HS6ST2: variants seen among roughly 807,000 people sequenced by gnomAD.
The protein encoded by HS6ST2 is heparan-sulfate 6-O-sulfotransferase 2.
Under a neutral mutation model 33.0 loss-of-function variants are expected in HS6ST2, and 17 were observed. The observed-to-expected ratio is 0.52, with a 90% confidence interval of 0.35 to 0.77. The LOEUF (loss-of-function observed/expected upper bound fraction) is 0.77, where lower values mean the gene tolerates loss of function less well. Among genes scored for constraint, HS6ST2 ranks in the 30% least tolerant of loss-of-function variants. The pLI, the probability that HS6ST2 is intolerant of heterozygous loss-of-function variation, is 0.01. For synonymous variants in HS6ST2, 248 were observed against 237.1 expected, an observed-to-expected ratio of 1.05 and a Z score of -0.42; for missense variants, 519 against 551.7, an observed-to-expected ratio of 0.94 and a Z score of 0.59.
Position 132,889,499 on chromosome X carries a change from G to T in HS6ST2, c.947+67309C>A, listed in dbSNP as rs933752942. On this transcript the variant is annotated intron_variant, in intron 2 of 4. Coordinates refer to ENST00000370833, the MANE Select transcript of HS6ST2 (RefSeq NM_001394073.1). ...CGGTATGAAGATCAATGAGTCCTGGGAATACCAAGAGCAGATTCTGAGGTG... is the reference window on the plus strand; with the variant it reads ...CGGTATGAAGATCAATGAGTCCTGGTAATACCAAGAGCAGATTCTGAGGTG... 2.7e-5 allele frequency among the ~76,000 whole-genome samples: 3 copies of T among 111,169 alleles called. No homozygotes were observed. In the Admixed American group the frequency reaches 2.9e-4, roughly 11 times the overall value.
At chrX:132,841,532 C>G (rs916546750) in intron 2 of HS6ST2, among the ~76,000 whole-genome samples, 2 of 111,459 alleles carry the variant, frequency 1.8e-5, no homozygotes, top group African/African-American at 6.5e-5. Context: ...AAATGAGGAG[C>G]CTTCTTGCCA....
chrX:132,834,700 G>A (rs763434344), intron 2 of HS6ST2, among the ~76,000 whole-genome samples: 2 of 112,473 alleles, frequency 1.8e-5, no homozygotes, highest in South Asian at 3.7e-4. Flanking sequence ...TCACCTTTAC[G>A]CTTTACAGCC....
intron 4 of HS6ST2, among the ~76,000 whole-genome samples, chrX:132,633,445 A>G (rs1409644362): frequency 9.0e-6 from 1 of 111,643 alleles, no homozygotes; most frequent in Admixed American, 9.5e-5. Flanking sequence ...AAGACAAGGC[A>G]AAAGAGAAGG....
At chrX:132,685,517 C>T (rs2064010469) in intron 3 of HS6ST2, among the ~76,000 whole-genome samples, 1 of 111,283 alleles carries the variant, frequency 9.0e-6, no homozygotes, top group South Asian at 3.8e-4. Flanking sequence ...GTACCCAATG[C>T]ATGCTGGTCC....
intron 2 of HS6ST2, among the ~76,000 whole-genome samples, chrX:132,870,818 A>G (rs1343286551): frequency 8.9e-6 from 1 of 112,108 alleles, no homozygotes; most frequent in African/African-American, 3.2e-5. Flanking sequence ...AATCCCTAGA[A>G]GAAAACCTAG....
intron 4 of HS6ST2, among the ~76,000 whole-genome samples, chrX:132,656,187 T>G (rs1235127582): frequency 8.9e-6 from 1 of 111,734 alleles, no homozygotes; most frequent in Non-Finnish European, 1.9e-5. Flanking sequence ...TCTGGTCCCT[T>G]TCATCTGTTC....
intron 2 of HS6ST2, among the ~76,000 whole-genome samples, chrX:132,932,043 G>T (rs1169824517): frequency 9.1e-6 from 1 of 109,458 alleles, no homozygotes; most frequent in Admixed American, 9.7e-5. Flanking sequence ...AAAATTAGCC[G>T]GGCGTGGTGG....
Position 132,712,321 on chromosome X carries a change from C to T in HS6ST2, c.948-3827G>A, listed in dbSNP as rs999244382. On this transcript the variant is annotated intron_variant, in intron 2 of 4. Coordinates refer to ENST00000370833, the MANE Select transcript of HS6ST2 (RefSeq NM_001394073.1). ...TCCTTTTGTATCTCAAGCCACCTTC[C>T]TCATTTGATCTCTGAAGGCCAAATA... Among the ~76,000 whole-genome samples, 6 of 112,029 alleles carry T rather than the reference C, an allele frequency of 5.4e-5. No individual in the cohort carries two copies. The East Asian group carries it at 1.4e-3, about 26-fold the overall frequency.
intron 4 of HS6ST2, among the ~76,000 whole-genome samples, chrX:132,633,941 T>TG (rs774232387): frequency 4.5e-5 from 5 of 111,732 alleles, no homozygotes; most frequent in Admixed American, 9.5e-5. Context: ...TTTCTCTTAA[T>TG]GTGGCCTCAG....
At chrX:132,869,396 C>T (rs1005997165) in intron 2 of HS6ST2, among the ~76,000 whole-genome samples, 5 of 111,872 alleles carry the variant, frequency 4.5e-5, no homozygotes, top group African/African-American at 9.8e-5. Context: ...AAAAGAGGGA[C>T]GCCTCCCTAA....
intron 3 of HS6ST2, among the ~76,000 whole-genome samples, chrX:132,680,257 G>A (rs1322330664): frequency 9.0e-6 from 1 of 110,903 alleles, no homozygotes; most frequent in Admixed American, 9.7e-5. Context: ...CACAATCCAC[G>A]TTCTTCTGCC....
At chrX:132,772,148 A>G (rs914543837) in intron 2 of HS6ST2, among the ~76,000 whole-genome samples, 2 of 111,792 alleles carry the variant, frequency 1.8e-5, no homozygotes, top group African/African-American at 6.5e-5. Flanking sequence ...GATGCATAAA[A>G]TTCAATTTCA....
intron 2 of HS6ST2, among the ~76,000 whole-genome samples, chrX:132,917,192 C>T (rs1390251876): frequency 9.0e-6 from 1 of 111,640 alleles, no homozygotes; most frequent in Non-Finnish European, 1.9e-5. Flanking sequence ...TTGAAAACTA[C>T]TGGACTAGAA....
chrX:132,948,231 GAC>G (rs751965192), intron 2 of HS6ST2, among the ~76,000 whole-genome samples: 1 of 111,796 alleles, frequency 8.9e-6, no homozygotes, highest in Admixed American at 9.5e-5. Context: ...CAAGATTCTT[GAC>G]AATTCAGAGT....
intron 2 of HS6ST2, among the ~76,000 whole-genome samples, chrX:132,945,573 T>G (rs746005975): frequency 2.0e-4 from 22 of 110,330 alleles, no homozygotes; most frequent in Admixed American, 1.4e-3. Flanking sequence ...TATTGCGGCA[T>G]TAGTCACAAT....
chrX:132,934,908 TG>T (rs1325147035), intron 2 of HS6ST2, among the ~76,000 whole-genome samples: 2 of 110,432 alleles, frequency 1.8e-5, no homozygotes, highest in Non-Finnish European at 3.8e-5. Flanking sequence ...TAGAAATCAT[TG>T]GAGAGGAAAA....
In HS6ST2 at chrX:132,629,093, C is replaced by T; in HGVS notation, c.1068G>A (p.Lys356=). The T allele has an allele frequency of 8.4e-7, 1 of 1,188,554 alleles. No homozygotes were observed. Among genetic ancestry groups the T allele is most frequent in the Non-Finnish European group, 1.1e-6 (1 of 882,367 alleles). ...TKTRNTSKSG[K]NFHYITILRD... ...GGAGGATGGTGATGTAGTGGAAGTT[C>T]CTATGGATGAAGCACAAAAACCAAC... Residue 356 remains lysine, a splice_region_variant and synonymous_variant, in exon 5 of 5, where the codon AAG becomes AAA. Coordinates refer to ENST00000370833, the MANE Select transcript of HS6ST2 (RefSeq NM_001394073.1).
chrX:132,709,811 A>AC (rs1357463650), intron 2 of HS6ST2, among the ~76,000 whole-genome samples: 9 of 73,555 alleles, frequency 1.2e-4, no homozygotes, highest in Admixed American at 3.4e-4. Flanking sequence ...TGAAAAGACA[A>AC]AACACACACA....
chrX:132,775,137 G>A lies in HS6ST2; in HGVS notation c.948-66643C>T, dbSNP rs999231915. ...CTTCCACTCTTTCCCTAAATATACA[G>A]CTTCTCTGCTTCCCTCCACCAGCTG... On this transcript the variant is annotated intron_variant, in intron 2 of 4. Transcript: ENST00000370833. Among the ~76,000 whole-genome samples, 20 of 111,259 alleles carry A rather than the reference G, an allele frequency of 1.8e-4. 1 individual carries two copies. Among genetic ancestry groups the A allele is most frequent in the African/African-American group, 6.2e-4 (19 of 30,629 alleles).
Sources: gnomAD v4.1 joint callset for allele counts (sites outside exome capture counted in the v4.1 genomes callset) on GRCh38, gnomAD v4.1.1 for gene constraint, MANE v1.5 for transcripts, NCBI Gene and HGNC (gene_info 2026-07-23, HGNC 2026-07-21) for gene names.